Variants in ZDHHC14 observed in about 807,000 individuals in gnomAD.
The protein encoded by ZDHHC14 is palmitoyltransferase ZDHHC14.
A neutral mutation model predicts 47.7 loss-of-function variants in ZDHHC14; 16 were observed. That is an observed-to-expected ratio of 0.34 (90% CI 0.23 to 0.51). The LOEUF (loss-of-function observed/expected upper bound fraction) is 0.51. ZDHHC14 is among the 20% of genes least tolerant of loss of function. ZDHHC14 has a pLI of 0.97. For missense variants in ZDHHC14, 515 were observed against 662.5 expected (o/e 0.78, Z 2.44); for synonymous variants, 293 against 278.9 (o/e 1.05, Z -0.50).
chr6:157,604,005 T>C lies in ZDHHC14; in HGVS notation c.565+10859T>C, dbSNP rs147266927. On this transcript the variant is annotated intron_variant, in intron 3 of 8. Transcript: ENST00000359775. The stretch of plus-strand genomic sequence containing the variant: ...GATTCAACCAACCTCGAATCAAATA[T>C]ACTAAGAGAAAAAATTATGTCTGTA... 7.7e-4 allele frequency among the ~76,000 whole-genome samples: 117 copies of C among 152,252 alleles called. 1 individual carries two copies. The highest frequency in any genetic ancestry group is 2.7e-3 in the African/African-American group (113 of 41,540).
At chr6:157,652,867 T>C (rs1157434909) in intron 7 of ZDHHC14, among the ~76,000 whole-genome samples, 1 of 152,066 alleles carries the variant, frequency 6.6e-6, no homozygotes, top group East Asian at 1.9e-4. Flanking sequence ...CCTTGGGAGC[T>C]TGATTGCAGG....
chr6:157,430,343 A>G (rs1009188232), intron 1 of ZDHHC14, among the ~76,000 whole-genome samples: 3 of 148,584 alleles, frequency 2.0e-5, no homozygotes, highest in African/African-American at 7.5e-5. Context: ...GCATACATTT[A>G]TTGTATTACA....
intron 1 of ZDHHC14, among the ~76,000 whole-genome samples, chr6:157,454,513 T>C (rs1355024628): frequency 6.6e-6 from 1 of 151,342 alleles, no homozygotes; most frequent in Non-Finnish European, 1.5e-5. Flanking sequence ...TTTTTTTTTT[T>C]TTTGCCACGA....
rs1778898350 is a variant in ZDHHC14, at chr6:157,673,410, G to A, written c.*288G>A. On this transcript the variant is annotated 3_prime_UTR_variant, in exon 9 of 9. Transcript: ENST00000359775. The surrounding 1 kb of genome is among the most constrained non-coding windows in gnomAD (Gnocchi z 5.4). Reference sequence around the variant, plus strand: ...CCCTCCAGGGGTGGAATCGGAGTGTGTCTGCCCGCCCTTGTGACAGACACA... The same window carrying A: ...CCCTCCAGGGGTGGAATCGGAGTGTATCTGCCCGCCCTTGTGACAGACACA... 2.1e-6 allele frequency: 1 copy of A among 478,374 alleles called. No individual in the cohort carries two copies. Among genetic ancestry groups the A allele is most frequent in the Non-Finnish European group, 3.6e-6 (1 of 275,480 alleles). The allele number at this position is 478,374 out of a possible 1,614,324, so 29.6% of individuals were successfully genotyped here. A position where few individuals can be genotyped will look rare whatever the true frequency, so the allele number is the denominator to read the frequency against.
intron 3 of ZDHHC14, among the ~76,000 whole-genome samples, chr6:157,614,835 A>G (rs987057015): frequency 6.6e-6 from 1 of 151,650 alleles, no homozygotes; most frequent in African/African-American, 2.4e-5. Context: ...CAATGGTGCA[A>G]TCTTGGCTCA....
At chr6:157,615,974 G>A (rs924030422) in intron 3 of ZDHHC14, among the ~76,000 whole-genome samples, 1 of 152,200 alleles carries the variant, frequency 6.6e-6, no homozygotes, top group Non-Finnish European at 1.5e-5. Context: ...AGCTCAGCTT[G>A]GAAACCCAGA....
chr6:157,650,354 A>G (rs1223319297), intron 7 of ZDHHC14, among the ~76,000 whole-genome samples: 6 of 151,998 alleles, frequency 3.9e-5, no homozygotes, highest in Non-Finnish European at 8.8e-5. Flanking sequence ...GGTTAATGTC[A>G]GGAGTGGGGG....
chr6:157,610,550 G>A (rs1784714305), intron 3 of ZDHHC14, among the ~76,000 whole-genome samples: 1 of 152,158 alleles, frequency 6.6e-6, no homozygotes, highest in Admixed American at 6.5e-5. Context: ...GTTCCTGTCG[G>A]TCACTCCTGA....
intron 3 of ZDHHC14, among the ~76,000 whole-genome samples, chr6:157,602,082 A>T (rs952494970): frequency 1.3e-5 from 2 of 151,912 alleles, no homozygotes; most frequent in Non-Finnish European, 2.9e-5. Flanking sequence ...CACCCCTGTA[A>T]TCCCAGCTAC....
rs775333192 is a variant in ZDHHC14 at position 157,653,521 on chromosome 6, G to A, written c.966-4G>A. 42 of 1,613,030 alleles carry A rather than the reference G, an allele frequency of 2.6e-5. No individual in the cohort carries two copies. Among genetic ancestry groups the A allele is most frequent in the African/African-American group, 5.3e-5 (4 of 74,874 alleles). On this transcript the variant is annotated splice_region_variant and splice_polypyrimidine_tract_variant and intron_variant, in intron 7 of 8. Transcript: ENST00000359775. ...TTCCTGCTGTGTTTTCTTTTCTCTC[G>A]CAGCCTGATCGACAGAAGAGGGTAC... is the stretch of plus-strand genomic sequence containing the variant.
At chr6:157,554,584 C>T (rs1201623251) in intron 2 of ZDHHC14, among the ~76,000 whole-genome samples, 9 of 152,124 alleles carry the variant, frequency 5.9e-5, no homozygotes, top group Middle Eastern at 3.2e-3. Flanking sequence ...AATAGGCACA[C>T]GGGACTAGGG....
chr6:157,552,019 G>A (rs1344258915), intron 2 of ZDHHC14, among the ~76,000 whole-genome samples: 1 of 151,882 alleles, frequency 6.6e-6, no homozygotes, highest in Admixed American at 6.6e-5. Flanking sequence ...TGAAAATCTG[G>A]GAACCTAAAT....
At chr6:157,530,966 C>A (rs1351675453) in intron 1 of ZDHHC14, among the ~76,000 whole-genome samples, 3 of 152,130 alleles carry the variant, frequency 2.0e-5, no homozygotes, top group African/African-American at 7.2e-5. Context: ...CTTAGAAATT[C>A]TTCCTACTTT....
rs1024866750 is a variant in ZDHHC14 at position 157,672,879 on chromosome 6, G to A, written c.1224G>A (p.Pro408=). The change falls in exon 9 of 9, where the codon CCG becomes CCA. Residue 408 remains proline (P), a synonymous_variant. Coordinates refer to ENST00000359775, the MANE Select transcript of ZDHHC14 (RefSeq NM_024630.3). ...CCTGCGCCAGCCTCACACTGGGCCC[G>A]CCCACACCGCCCGCCTCCATGCCCA... is the stretch of plus-strand genomic sequence containing the variant. ...GTPCASLTLG[P]PTPPASMPNL... 2.3e-5 allele frequency: 37 copies of A among 1,606,126 alleles called. No homozygotes were observed. Among genetic ancestry groups the A allele is most frequent in the Non-Finnish European group, 2.8e-5 (33 of 1,177,642 alleles).
At chr6:157,587,461 T>C (rs1783738762) in intron 2 of ZDHHC14, among the ~76,000 whole-genome samples, 1 of 152,188 alleles carries the variant, frequency 6.6e-6, no homozygotes, top group African/African-American at 2.4e-5. Flanking sequence ...TTAGTGCCAT[T>C]TGATGGGGCA....
chr6:157,518,925 C>T (rs558461549), intron 1 of ZDHHC14, among the ~76,000 whole-genome samples: 21 of 152,340 alleles, frequency 1.4e-4, no homozygotes, highest in African/African-American at 4.6e-4. Flanking sequence ...ACAAGCCATA[C>T]GGCGGCCAGC....
At chr6:157,398,257 A>G (rs12202848) in intron 1 of ZDHHC14, among the ~76,000 whole-genome samples, 2,550 of 152,308 alleles carry the variant, frequency 0.017, 25 homozygotes, top group African/African-American at 0.021. Context: ...AGCAGGCTGG[A>G]TGGGCCCAAA....
At chr6:157,557,795 G>A (rs917650928) in intron 2 of ZDHHC14, among the ~76,000 whole-genome samples, 13 of 152,150 alleles carry the variant, frequency 8.5e-5, no homozygotes, top group South Asian at 4.1e-4. Context: ...AAGGAATGGC[G>A]GCCACTCCCC....
At chr6:157,649,774 C>T (rs1185810014) in intron 7 of ZDHHC14, among the ~76,000 whole-genome samples, 1 of 152,192 alleles carries the variant, frequency 6.6e-6, no homozygotes, top group Non-Finnish European at 1.5e-5. Context: ...CTGGGTATGG[C>T]CAGGTTTGGA....
Sources: gnomAD v4.1 joint callset for allele counts (sites outside exome capture counted in the v4.1 genomes callset) on GRCh38, gnomAD v4.1.1 for gene constraint, Gnocchi (gnomAD v3.1) non-coding constraint, MANE v1.5 for transcripts, NCBI Gene and HGNC (gene_info 2026-07-23, HGNC 2026-07-21) for gene names.